The following UBE2H variants were observed in gnomAD, a reference collection of about 807,000 sequenced individuals.
UBE2H encodes the protein ubiquitin-conjugating enzyme E2 H.
A neutral mutation model predicts 29.0 loss-of-function variants in UBE2H; 3 were observed. The ratio of observed to expected loss-of-function variants is 0.10; its 90% CI spans 0.05 to 0.27. The LOEUF is 0.27. Among genes scored for constraint, UBE2H ranks in the 10% least tolerant of loss-of-function variants. UBE2H has a pLI of 1.00. For synonymous variants in UBE2H, 69 were observed against 82.9 expected (o/e 0.83, Z 0.91); for missense variants, 68 against 228.2 (o/e 0.30, Z 4.52).
chr7:129,891,404 G>C (rs899574632), intron 1 of UBE2H, among the ~76,000 whole-genome samples: 2 of 152,016 alleles, frequency 1.3e-5, no homozygotes, highest in African/African-American at 4.8e-5. Context: ...ATGCAGGGAA[G>C]GGACATTACC....
At chr7:129,900,837 A>G (rs149724096) in intron 1 of UBE2H, among the ~76,000 whole-genome samples, 9,587 of 144,192 alleles carry the variant, frequency 0.066, 364 homozygotes, top group Non-Finnish European at 0.093. Flanking sequence ...TGCAAGCTCC[A>G]CCTCCCAGGT....
Position 129,879,565 on chromosome 7 carries a change from T to C in UBE2H, c.205+3A>G. 6.2e-7 allele frequency: 1 copy of C among 1,610,766 alleles called. No individual in the cohort carries two copies. The highest frequency in any genetic ancestry group is 8.5e-7 in the Non-Finnish European group (1 of 1,178,772). On this transcript the variant is annotated splice_donor_region_variant and intron_variant, in intron 3 of 6. Transcript: ENST00000355621. ...TAAGGAGAAAAACCAAGTAGTAACA[T>C]ACCTATAGATGGAGATTTGAAAGGG...
At chr7:129,835,511 T>A (rs574503698) in intron 6 of UBE2H, among the ~76,000 whole-genome samples, 30 of 152,286 alleles carry the variant, frequency 2.0e-4, no homozygotes, top group African/African-American at 7.0e-4. Flanking sequence ...ATTTTAGGAA[T>A]CGATTTTAGT....
intron 6 of UBE2H, among the ~76,000 whole-genome samples, chr7:129,835,550 G>A (rs1393283490): frequency 1.3e-5 from 2 of 152,108 alleles, no homozygotes; most frequent in Non-Finnish European, 2.9e-5. Context: ...TCAGGTTTTT[G>A]AAGCAGCTGG....
At chr7:129,842,406 G>A (rs1186826048) in intron 5 of UBE2H, among the ~76,000 whole-genome samples, 1 of 152,092 alleles carries the variant, frequency 6.6e-6, no homozygotes, top group Non-Finnish European at 1.5e-5. Flanking sequence ...ACTCCAGCCT[G>A]GGCAAGTGAG....
In UBE2H at chr7:129,833,095, C is replaced by T. The variant is rs1805260198; in HGVS notation, c.*1842G>A. 1.4e-5 allele frequency: 2 copies of T among 143,422 alleles called. No individual in the cohort carries two copies. The highest frequency in any genetic ancestry group is 3.1e-5 in the Non-Finnish European group (2 of 65,164). The allele number at this position is 143,422 out of a possible 1,614,324, so 8.9% of individuals were successfully genotyped here. ...CTAACCACAGCCCTACATCACTGCA[C>T]TTTTTTTTTTTTTTAAAGAAAACCT... On this transcript the variant is annotated 3_prime_UTR_variant, in exon 7 of 7. Coordinates refer to ENST00000355621, the MANE Select transcript of UBE2H (RefSeq NM_003344.4).
intron 1 of UBE2H, among the ~76,000 whole-genome samples, chr7:129,940,859 A>G (rs1807626959): frequency 6.6e-6 from 1 of 152,254 alleles, no homozygotes; most frequent in African/African-American, 2.4e-5. Flanking sequence ...CCCAATTGAG[A>G]ATCACTAATG....
At chr7:129,909,825 G>A (rs182515041) in intron 1 of UBE2H, among the ~76,000 whole-genome samples, 162 of 152,280 alleles carry the variant, frequency 1.1e-3, no homozygotes, top group African/African-American at 3.5e-3. Flanking sequence ...AAAGAGATAA[G>A]ACACAGAATC....
chr7:129,835,494 G>T (rs1018553682), intron 6 of UBE2H, among the ~76,000 whole-genome samples: 7 of 152,082 alleles, frequency 4.6e-5, no homozygotes, highest in Admixed American at 1.3e-4. Context: ...GTCAGTCCAG[G>T]TCTATTATTT....
intron 1 of UBE2H, among the ~76,000 whole-genome samples, chr7:129,942,071 G>A (rs2116519024): frequency 6.6e-6 from 1 of 152,092 alleles, no homozygotes; most frequent in Non-Finnish European, 1.5e-5. Context: ...TAAGCCAGGT[G>A]TGGTGGCACA....
chr7:129,888,177 G>A (rs895935600), intron 1 of UBE2H, among the ~76,000 whole-genome samples: 1 of 152,156 alleles, frequency 6.6e-6, no homozygotes, highest in African/African-American at 2.4e-5. Context: ...GGTTTTTAAT[G>A]TTCTTCAAAT....
chr7:129,851,978 C>CAGAATT lies in UBE2H; in HGVS notation c.298+5527_298+5532dup, dbSNP rs1805618485. On this transcript the variant is annotated intron_variant, in intron 5 of 6. Coordinates refer to ENST00000355621, the MANE Select transcript of UBE2H (RefSeq NM_003344.4). The stretch of plus-strand genomic sequence containing the variant: ...GTGACATTATCCCAATAGTACTGGA[C>CAGAATT]AGAATTGCTCTACTTGGCCTCTATC... 6.6e-5 allele frequency among the ~76,000 whole-genome samples: 10 copies of CAGAATT among 152,276 alleles called. No homozygotes were observed. The South Asian group carries it at 2.1e-3, about 32-fold the overall frequency.
chr7:129,864,532 A>G (rs1222176555), intron 3 of UBE2H, among the ~76,000 whole-genome samples: 5 of 148,520 alleles, frequency 3.4e-5, no homozygotes, highest in Non-Finnish European at 7.4e-5. Context: ...ATTCACTACC[A>G]GGCATTTTCT....
rs1807905896 is a variant in UBE2H, at chr7:129,952,671, G to A, written c.-116C>T. ...CGGTGGAGGTGGCAACACCCCCGCGGTCCCGGCGGTCCCGTCAGCCGCCGC... is the reference window on the plus strand; with the variant it reads ...CGGTGGAGGTGGCAACACCCCCGCGATCCCGGCGGTCCCGTCAGCCGCCGC... On this transcript the variant is annotated 5_prime_UTR_variant, in exon 1 of 7. Coordinates refer to ENST00000355621, the MANE Select transcript of UBE2H (RefSeq NM_003344.4). 1.6e-5 allele frequency: 19 copies of A among 1,188,480 alleles called. No homozygotes were observed. The highest frequency in any genetic ancestry group is 2.1e-5 in the Non-Finnish European group (19 of 898,380). 73.6% of individuals were successfully genotyped at this position (1,188,480 alleles called of 1,614,324 possible).
chr7:129,913,418 C>T (rs1806979698), intron 1 of UBE2H, among the ~76,000 whole-genome samples: 1 of 152,084 alleles, frequency 6.6e-6, no homozygotes, highest in Non-Finnish European at 1.5e-5. Flanking sequence ...AGAAAGCATT[C>T]ACCTTGACCT....
intron 3 of UBE2H, among the ~76,000 whole-genome samples, chr7:129,878,128 A>G (rs1281084840): frequency 6.6e-6 from 1 of 152,210 alleles, no homozygotes; most frequent in Non-Finnish European, 1.5e-5. Flanking sequence ...ACAGGGAACC[A>G]CAACACAACA....
chr7:129,935,444 A>G (rs1015799341), intron 1 of UBE2H, among the ~76,000 whole-genome samples: 2 of 151,818 alleles, frequency 1.3e-5, no homozygotes, highest in African/African-American at 4.8e-5. Flanking sequence ...AAAAGAAAAT[A>G]TAACTCAGGT....
chr7:129,882,292 TG>T (rs1806271269), intron 1 of UBE2H, among the ~76,000 whole-genome samples: 1 of 152,236 alleles, frequency 6.6e-6, no homozygotes, highest in Non-Finnish European at 1.5e-5. Flanking sequence ...CAAATCCCAC[TG>T]TAACATTAAA....
Position 129,941,036 on chromosome 7 carries a change from C to T in UBE2H, c.53+11467G>A, listed in dbSNP as rs28510253. On this transcript the variant is annotated intron_variant, in intron 1 of 6. Transcript: ENST00000355621. The stretch of plus-strand genomic sequence containing the variant: ...ATGGCACCATCTCAGCTCACTGCAA[C>T]CTCCACCTCCCGGGTTCAAGCAATT... Among the ~76,000 whole-genome samples, 261 of 152,262 alleles carry T rather than the reference C, an allele frequency of 1.7e-3. 1 individual carries two copies. The highest frequency in any genetic ancestry group is 6.0e-3 in the African/African-American group (251 of 41,546).
Sources: gnomAD v4.1 joint callset for allele counts (sites outside exome capture counted in the v4.1 genomes callset) on GRCh38, gnomAD v4.1.1 for gene constraint, MANE v1.5 for transcripts, NCBI Gene and HGNC (gene_info 2026-07-23, HGNC 2026-07-21) for gene names.